Variants in ZNF407 observed in about 807,000 individuals in gnomAD.
ZNF407 encodes the protein zinc finger protein 407.
A neutral mutation model predicts 131.2 loss-of-function variants in ZNF407; 17 were observed. The ratio of observed to expected loss-of-function variants is 0.13; its 90% CI spans 0.09 to 0.19. The LOEUF (loss-of-function observed/expected upper bound fraction) is 0.19. Ranked by LOEUF, ZNF407 falls within the 10% of genes least tolerant of loss-of-function variation. The pLI, the probability that ZNF407 is intolerant of heterozygous loss-of-function variation, is 1.00. For synonymous variants in ZNF407, 1,156 were observed against 1,062.0 expected (o/e 1.09, Z -1.72); for missense variants, 2,681 against 2,830.6 (o/e 0.95, Z 1.20).
chr18:74,616,110 A>G (rs1356650701), intron 1 of ZNF407, among the ~76,000 whole-genome samples: 1 of 152,182 alleles, frequency 6.6e-6, no homozygotes, highest in East Asian at 1.9e-4. Flanking sequence ...GTTACTGGTG[A>G]ATTCAGCATA....
rs548349616 is a variant in ZNF407, at chr18:74,706,030, C to G, written c.4802+64908C>G. Reference sequence around the variant, plus strand: ...GCCAAGTATCTCATTCTATTTCCTTCTCCACTGTCTCTTCCCCCTTCTTAA... The same window carrying G: ...GCCAAGTATCTCATTCTATTTCCTTGTCCACTGTCTCTTCCCCCTTCTTAA... On this transcript the variant is annotated intron_variant, in intron 3 of 8. Coordinates refer to ENST00000299687, the MANE Select transcript of ZNF407 (RefSeq NM_017757.3). Among the ~76,000 whole-genome samples the G allele has an allele frequency of 4.6e-5, 7 of 152,300 alleles. No homozygotes were observed. In the South Asian group the frequency reaches 1.5e-3, roughly 32 times the overall value.
chr18:74,824,630 C>T (rs1970384955), intron 4 of ZNF407, among the ~76,000 whole-genome samples: 2 of 152,158 alleles, frequency 1.3e-5, no homozygotes, highest in African/African-American at 4.8e-5. Context: ...GGATAAATTG[C>T]TGGACACATA....
At chr18:74,628,854 G>C (rs1007587342) in intron 1 of ZNF407, among the ~76,000 whole-genome samples, 1 of 152,112 alleles carries the variant, frequency 6.6e-6, no homozygotes, top group Non-Finnish European at 1.5e-5. Context: ...CATTGGGATT[G>C]TAGGCATGAG....
chr18:75,059,638 A>G (rs1973601231), intron 8 of ZNF407, among the ~76,000 whole-genome samples: 2 of 152,158 alleles, frequency 1.3e-5, no homozygotes, highest in African/African-American at 4.8e-5. Flanking sequence ...AATACAGGAG[A>G]CAAAGATCTA....
At position 74,861,563 on chromosome 18, in the gene ZNF407, T is replaced by G. The variant is rs144449075; in HGVS notation, c.4878-15634T>G. Among the ~76,000 whole-genome samples the G allele has an allele frequency of 1.1e-3, 169 of 152,302 alleles. 1 individual carries two copies. The highest frequency in any genetic ancestry group is 4.0e-3 in the African/African-American group (165 of 41,566). On this transcript the variant is annotated intron_variant, in intron 4 of 8. Transcript: ENST00000299687. ...ACAACATATTCAGGACAGGAATAAC[T>G]TTATTTAGCTTGGTTATTTTACATC...
At chr18:74,826,595 T>C (rs1303793288) in intron 4 of ZNF407, among the ~76,000 whole-genome samples, 3 of 152,148 alleles carry the variant, frequency 2.0e-5, no homozygotes, top group Non-Finnish European at 2.9e-5. Flanking sequence ...GGAGACTTGT[T>C]TGTCAGTAAT....
At chr18:74,648,590 T>C (rs1985082365) in intron 3 of ZNF407, among the ~76,000 whole-genome samples, 2 of 152,198 alleles carry the variant, frequency 1.3e-5, no homozygotes, top group African/African-American at 4.8e-5. Context: ...TCAGGGAGAA[T>C]TATTTTAAGA....
chr18:74,934,784 C>T lies in ZNF407; in HGVS notation c.5428+14092C>T, dbSNP rs547073036. Among the ~76,000 whole-genome samples the T allele has an allele frequency of 8.5e-5, 13 of 152,250 alleles. No individual in the cohort carries two copies. In the East Asian group the frequency reaches 1.7e-3, roughly 20 times the overall value. On this transcript the variant is annotated intron_variant, in intron 8 of 8. Transcript: ENST00000299687. ...TCATGCCACTGCACTCCAGCCTGGGCGACAGAGCGAGACTCGGTCTCAAAA... is the reference window on the plus strand; with the variant it reads ...TCATGCCACTGCACTCCAGCCTGGGTGACAGAGCGAGACTCGGTCTCAAAA...
At chr18:74,923,485 C>T (rs1005321126) in intron 8 of ZNF407, among the ~76,000 whole-genome samples, 1 of 152,088 alleles carries the variant, frequency 6.6e-6, no homozygotes, top group African/African-American at 2.4e-5. Flanking sequence ...GAATACTTGG[C>T]ACCAGTGGTG....
rs113205815 is a variant in ZNF407, at chr18:74,911,753, G to A, written c.5250-8761G>A. On this transcript the variant is annotated intron_variant, in intron 7 of 8. Transcript: ENST00000299687. Reference sequence around the variant, plus strand: ...CCATCCATGGCACACACAAAAATACGCATTCTAAAATAGTGAGCGATCACT... The same window carrying A: ...CCATCCATGGCACACACAAAAATACACATTCTAAAATAGTGAGCGATCACT... Among the ~76,000 whole-genome samples the A allele has an allele frequency of 3.2e-3, 480 of 152,144 alleles. 6 individuals carry two copies. The highest frequency in any genetic ancestry group is 0.01 in the African/African-American group (431 of 41,500).
rs564536462 is a variant in ZNF407 at position 75,026,630 on chromosome 18, T to C, written c.5429-36520T>C. Among the ~76,000 whole-genome samples, 6 of 152,362 alleles carry C rather than the reference T, an allele frequency of 3.9e-5. No homozygotes were observed. In the East Asian group the frequency reaches 9.6e-4, roughly 24 times the overall value. ...AGATATTTTCAGTGACCAGCAACTCTTACAAACCATTTGGAAACGCAGTTC... is the reference window on the plus strand; with the variant it reads ...AGATATTTTCAGTGACCAGCAACTCCTACAAACCATTTGGAAACGCAGTTC... On this transcript the variant is annotated intron_variant, in intron 8 of 8. Coordinates refer to ENST00000299687, the MANE Select transcript of ZNF407 (RefSeq NM_017757.3).
intron 4 of ZNF407, among the ~76,000 whole-genome samples, chr18:74,865,869 T>G (rs1971003694): frequency 2.0e-5 from 3 of 152,194 alleles, no homozygotes; most frequent in South Asian, 4.1e-4. Flanking sequence ...CACATATGTG[T>G]GTATTCTCTA....
At chr18:74,966,023 C>A (rs548185961) in intron 8 of ZNF407, among the ~76,000 whole-genome samples, 3 of 151,912 alleles carry the variant, frequency 2.0e-5, no homozygotes, top group African/African-American at 2.4e-5. Flanking sequence ...GATTTTTTTC[C>A]TTAAGAGTTG....
chr18:74,623,044 GA>G (rs1315039870), intron 1 of ZNF407, among the ~76,000 whole-genome samples: 3 of 105,922 alleles, frequency 2.8e-5, no homozygotes, highest in Admixed American at 1.2e-4. Flanking sequence ...ATGTGTGTGT[GA>G]ATGAGTGCAT....
intron 8 of ZNF407, among the ~76,000 whole-genome samples, chr18:74,928,110 T>TA (rs768694199): frequency 6.6e-6 from 1 of 152,102 alleles, no homozygotes; most frequent in Non-Finnish European, 1.5e-5. Flanking sequence ...GTGGTTGAGT[T>TA]ATAGCTTGGT....
intron 3 of ZNF407, among the ~76,000 whole-genome samples, chr18:74,676,941 G>A (rs954931969): frequency 6.6e-6 from 1 of 152,122 alleles, no homozygotes; most frequent in Admixed American, 6.5e-5. Context: ...AGGCAACAAG[G>A]CCACTGCCCC....
At chr18:74,707,600 G>A (rs887324862) in intron 3 of ZNF407, among the ~76,000 whole-genome samples, 1 of 152,178 alleles carries the variant, frequency 6.6e-6, no homozygotes, top group Non-Finnish European at 1.5e-5. Context: ...TTGGATTAGA[G>A]ATGCTCAGCT....
chr18:74,647,613 G>A (rs1985032403), intron 3 of ZNF407, among the ~76,000 whole-genome samples: 4 of 152,084 alleles, frequency 2.6e-5, no homozygotes, highest in Non-Finnish European at 5.9e-5. Context: ...TTACTTTGTG[G>A]GTACTTTTGC....
intron 3 of ZNF407, among the ~76,000 whole-genome samples, chr18:74,779,848 T>G (rs941372383): frequency 1.3e-5 from 2 of 152,208 alleles, no homozygotes; most frequent in African/African-American, 4.8e-5. Flanking sequence ...CTTTGCAGCT[T>G]TGGGTTTTTA....
Sources: gnomAD v4.1 joint callset for allele counts (sites outside exome capture counted in the v4.1 genomes callset) on GRCh38, gnomAD v4.1.1 for gene constraint, MANE v1.5 for transcripts, NCBI Gene and HGNC (gene_info 2026-07-23, HGNC 2026-07-21) for gene names.